The following CALN1 variants were observed in gnomAD, a reference collection of about 807,000 sequenced individuals.
CALN1 encodes calneuron 1, also known as calcium-binding protein 8.
Under a neutral mutation model 30.6 loss-of-function variants are expected in CALN1, and 17 were observed. The observed-to-expected ratio is 0.56, with a 90% CI of 0.38 to 0.83. CALN1 has a LOEUF of 0.83. Ranked by LOEUF, CALN1 falls within the 40% of genes least tolerant of loss-of-function variation. The pLI, the probability that CALN1 is intolerant of heterozygous loss-of-function variation, is 0.00. For missense variants in CALN1, 291 were observed against 354.9 expected, an observed-to-expected ratio of 0.82 and a Z score of 1.45; for synonymous variants, 156 against 131.4, an observed-to-expected ratio of 1.19 and a Z score of -1.28.
intron 5 of CALN1, among the ~76,000 whole-genome samples, chr7:71,855,829 T>C (rs1363630421): frequency 6.6e-6 from 1 of 152,186 alleles, no homozygotes; most frequent in Non-Finnish European, 1.5e-5. Context: ...CTTTTCAGCT[T>C]AAATTGGTCA....
At chr7:71,857,780 A>G (rs1791043683) in intron 5 of CALN1, among the ~76,000 whole-genome samples, 1 of 152,118 alleles carries the variant, frequency 6.6e-6, no homozygotes, top group African/African-American at 2.4e-5. Context: ...GGTATCTTAA[A>G]CCAAGATGTC....
Position 72,057,383 on chromosome 7 carries a change from CTTTT to C in CALN1, c.389-33618_389-33615del, listed in dbSNP as rs60838093. Among the ~76,000 whole-genome samples the C allele has an allele frequency of 2.7e-4, 28 of 101,886 alleles. No individual in the cohort carries two copies. The East Asian group carries it at 3.5e-3, about 13-fold the overall frequency. 66.8% of individuals were successfully genotyped at this position (101,886 alleles called of 152,430 possible). A position where few individuals can be genotyped will look rare whatever the true frequency, so the allele number is the denominator to read the frequency against. On this transcript the variant is annotated intron_variant, in intron 4 of 6. Coordinates refer to ENST00000395275, the MANE Select transcript of CALN1 (RefSeq NM_031468.4). ...GATAAAAAGTTCCTTTTTAAATGTT[CTTTT>C]TTTTTTTTTTTTTTTTTGATTCAGT...
intron 3 of CALN1, among the ~76,000 whole-genome samples, chr7:72,165,446 A>G (rs1788453598): frequency 6.6e-6 from 1 of 152,012 alleles, no homozygotes; most frequent in South Asian, 2.1e-4. Flanking sequence ...CTCTAATCCC[A>G]GCACCCCAGC....
In CALN1 at chr7:72,203,979, CTTT is replaced by C. The variant is rs869149598; in HGVS notation, c.244+74704_244+74706del. Among the ~76,000 whole-genome samples, 6 of 83,806 alleles carry C rather than the reference CTTT, an allele frequency of 7.2e-5. 1 individual carries two copies. Among genetic ancestry groups the C allele is most frequent in the Admixed American group, 3.0e-4 (2 of 6,622 alleles). The allele number at this position is 83,806 out of a possible 152,430, so 55.0% of individuals were successfully genotyped here. A position where few individuals can be genotyped will look rare whatever the true frequency, so the allele number is the denominator to read the frequency against. On this transcript the variant is annotated intron_variant, in intron 3 of 6. Transcript: ENST00000395275. ...TAGCCTTCATATAAGAGGCCTCTCTCTTTTTTTTTTTTTTTTTTTTTTTTTTTT... is the reference window on the plus strand; with the variant it reads ...TAGCCTTCATATAAGAGGCCTCTCTCTTTTTTTTTTTTTTTTTTTTTTTTT...
At chr7:72,017,068 G>C (rs547498490) in intron 5 of CALN1, among the ~76,000 whole-genome samples, 40 of 146,100 alleles carry the variant, frequency 2.7e-4, no homozygotes, top group Admixed American at 2.6e-3. Context: ...GGAGGCTGAA[G>C]CATGAGAATC....
At chr7:71,838,055 A>G (rs1248214656) in intron 5 of CALN1, among the ~76,000 whole-genome samples, 1 of 152,190 alleles carries the variant, frequency 6.6e-6, no homozygotes, top group African/African-American at 2.4e-5. Context: ...CATGTTACAG[A>G]TTTTAATGGA....
chr7:72,328,270 G>A (rs879526427), intron 2 of CALN1, among the ~76,000 whole-genome samples: 2 of 152,114 alleles, frequency 1.3e-5, no homozygotes, highest in Non-Finnish European at 2.9e-5. Flanking sequence ...ATCAAGGGTG[G>A]GGCCAGGTGG....
In CALN1 at chr7:72,188,343, T is replaced by C. The variant is rs111958892; in HGVS notation, c.245-82049A>G. 1.7e-3 allele frequency among the ~76,000 whole-genome samples: 256 copies of C among 152,198 alleles called. 1 individual carries two copies. Among genetic ancestry groups the C allele is most frequent in the African/African-American group, 5.9e-3 (245 of 41,524 alleles). On this transcript the variant is annotated intron_variant, in intron 3 of 6. Coordinates refer to ENST00000395275, the MANE Select transcript of CALN1 (RefSeq NM_031468.4). ...CGTATACATATTCTTTATATACACA[T>C]ATATATATGATGGAATACTACTCAG...
chr7:72,163,419 C>G (rs1034033157), intron 3 of CALN1, among the ~76,000 whole-genome samples: 7 of 105,136 alleles, frequency 6.7e-5, no homozygotes, highest in African/African-American at 2.4e-4. Context: ...AACAGAAAAA[C>G]ATGTCACATA....
At chr7:72,151,142 A>G (rs1451952215) in intron 3 of CALN1, among the ~76,000 whole-genome samples, 1 of 152,136 alleles carries the variant, frequency 6.6e-6, no homozygotes, top group Non-Finnish European at 1.5e-5. Context: ...CTTCAACAAC[A>G]GAAGTCTATT....
At chr7:72,430,789 G>A (rs2129564006) in intron 1 of CALN1, among the ~76,000 whole-genome samples, 1 of 152,172 alleles carries the variant, frequency 6.6e-6, no homozygotes, top group East Asian at 1.9e-4. Flanking sequence ...CTGTTCCTAA[G>A]AGGATTTCAG....
At chr7:71,919,023 C>T (rs1391988862) in intron 5 of CALN1, among the ~76,000 whole-genome samples, 1 of 152,130 alleles carries the variant, frequency 6.6e-6, no homozygotes, top group African/African-American at 2.4e-5. Context: ...CCTTATACTG[C>T]TCCATAATGA....
chr7:72,212,349 C>CAA (rs35123942), intron 3 of CALN1, among the ~76,000 whole-genome samples: 27,902 of 96,096 alleles, frequency 0.29, 4,768 homozygotes, highest in East Asian at 0.83. Context: ...CACACCGTCT[C>CAA]AAAAAAAAAA....
intron 2 of CALN1, among the ~76,000 whole-genome samples, chr7:72,382,701 G>A (rs765436132): frequency 6.6e-6 from 1 of 152,074 alleles, no homozygotes; most frequent in Non-Finnish European, 1.5e-5. Context: ...ACTTATACAT[G>A]AGAACATGCA....
chr7:72,352,050 A>T (rs964633751), intron 2 of CALN1, among the ~76,000 whole-genome samples: 3 of 152,182 alleles, frequency 2.0e-5, no homozygotes, highest in African/African-American at 7.2e-5. Flanking sequence ...AAGCCAAGGC[A>T]GGCAGATCAC....
intron 3 of CALN1, among the ~76,000 whole-genome samples, chr7:72,179,510 T>G (rs549384370): frequency 6.6e-6 from 1 of 152,110 alleles, no homozygotes; most frequent in Non-Finnish European, 1.5e-5. Context: ...CATTATACAT[T>G]GGTAGACTAT....
At chr7:71,807,967 G>A (rs888129138) in intron 6 of CALN1, among the ~76,000 whole-genome samples, 4 of 152,048 alleles carry the variant, frequency 2.6e-5, no homozygotes, top group Non-Finnish European at 4.4e-5. Context: ...CCAGCTATTC[G>A]GGAGGCTGAG....
At chr7:72,301,817 A>G (rs907935164) in intron 2 of CALN1, among the ~76,000 whole-genome samples, 4 of 152,128 alleles carry the variant, frequency 2.6e-5, no homozygotes, top group Non-Finnish European at 5.9e-5. Context: ...TTCAGAGAGA[A>G]AGGCTGCTAC....
chr7:72,163,296 G>A (rs1788252572), intron 3 of CALN1, among the ~76,000 whole-genome samples: 1 of 141,990 alleles, frequency 7.0e-6, no homozygotes, highest in Non-Finnish European at 1.5e-5. Context: ...CTGCTTTTGA[G>A]AATAAAAACA....
Sources: allele counts gnomAD v4.1 joint callset (sites outside exome capture counted in the v4.1 genomes callset), GRCh38; gene constraint gnomAD v4.1.1; transcripts MANE v1.5; gene names NCBI Gene and HGNC (gene_info 2026-07-23, HGNC 2026-07-21).